PRAMEF17: variants seen among roughly 807,000 people sequenced by gnomAD.
PRAMEF17 encodes PRAME family member 17.
In PRAMEF17, 48 loss-of-function variants were observed where a neutral mutation model predicts 36.8. The observed-to-expected ratio is 1.30, with a 90% CI of 1.03 to 1.66. PRAMEF17 has a LOEUF of 1.66. Ranked by LOEUF, PRAMEF17 falls within the 40% of genes most tolerant of loss-of-function variation. The probability of loss-of-function intolerance (pLI) is 0.00; values close to 1 mark genes in which losing one functional copy is unlikely to be tolerated. For missense variants in PRAMEF17, 639 were observed against 560.6 expected (o/e 1.14, Z -1.41); for synonymous variants, 246 against 220.4 (o/e 1.12, Z -1.03).
Position 13,392,302 on chromosome 1 carries a change from C to T in PRAMEF17, c.1225C>T (p.Leu409=). The T allele has an allele frequency of 1.9e-6, 3 of 1,611,956 alleles. No individual in the cohort carries two copies. The highest frequency in any genetic ancestry group is 4.5e-5 in the East Asian group (2 of 44,870). The part of the protein sequence containing the change: ...CHTGGLSKLG[L]ELYPAPLECL... ...CACAGGTGGGCTGAGCAAGTTAGGT[C>T]TGGAGTTGTATCCTGCCCCTCTGGA... Residue 409 remains leucine (L), a synonymous_variant, in exon 3 of 3, where the codon CTG becomes TTG. Coordinates refer to ENST00000376098, the MANE Select transcript of PRAMEF17 (RefSeq NM_001099851.3).
rs1367949418 is a variant in PRAMEF17 at position 13,392,046 on chromosome 1, G to T, written c.969G>T (p.Lys323Asn). The T allele has an allele frequency of 3.7e-6, 6 of 1,611,742 alleles. No individual in the cohort carries two copies. The highest frequency in any genetic ancestry group is 5.1e-6 in the Non-Finnish European group (6 of 1,179,836). ...AGTACCCAAGCCTCAGTCAGCTAAA[G>T]GAGCTGCATCTGATTCATATCCTAA... is the stretch of plus-strand genomic sequence containing the variant. The part of the protein sequence containing the change: ...LSQYPSLSQL[K>N]ELHLIHILMW... The change falls in exon 3 of 3, where the codon AAG becomes AAT. Residue 323 changes from lysine (K) to asparagine (N), a missense_variant. Physicochemically the swap from Lys to Asn is moderately conservative, Grantham distance 94 (BLOSUM62 0). Transcript: ENST00000376098.
chr1:13,391,960 T>C lies in PRAMEF17; in HGVS notation c.883T>C (p.Leu295=). The change falls in exon 3 of 3, where the codon TTG becomes CTG. Residue 295 remains leucine, a synonymous_variant. Transcript: ENST00000376098. ...TCTCCCCAGGTGCCTCAAGAACCCC[T>C]TGGGAACCTTTATATTCTGTCATGC... The part of the protein sequence containing the change: ...EHLLRCLKNP[L]GTFIFCHAYL... 1 of 1,611,386 alleles carries C rather than the reference T, an allele frequency of 6.2e-7. No homozygotes were observed. Among genetic ancestry groups the C allele is most frequent in the South Asian group, 1.1e-5 (1 of 90,908 alleles).
Position 13,389,790 on chromosome 1 carries a change from A to G in PRAMEF17, c.133A>G (p.Ser45Gly), listed in dbSNP as rs1640855387. Residue 45 changes from serine (S) to glycine (G), a missense_variant, in exon 1 of 3, where the codon AGC becomes GGC. Transcript: ENST00000376098. ...CCCTCTGATGTTCATGGAGGCCTCC[A>G]GCATGAGACATTTTGAGGCCCTGAA... ...VFPLMFMEAS[S>G]MRHFEALKLM... The G allele has an allele frequency of 1.2e-5, 20 of 1,613,076 alleles. No individual in the cohort carries two copies. In the Admixed American group the frequency reaches 2.8e-4, roughly 23 times the overall value.
rs1318264866 is a variant in PRAMEF17, at chr1:13,389,850, C to T, written c.193C>T (p.Pro65Ser). 6.2e-7 allele frequency: 1 copy of T among 1,613,560 alleles called. No homozygotes were observed. The highest frequency in any genetic ancestry group is 8.5e-7 in the Non-Finnish European group (1 of 1,180,050). Residue 65 changes from proline (P) to serine (S), a missense_variant, in exon 1 of 3, where the codon CCT becomes TCT. By Grantham distance (74) the Pro-to-Ser change is moderately conservative (BLOSUM62 -1). Transcript: ENST00000376098. ...GCAGGCCTGGCCCTTCCTCCGCCTC[C>T]CTCTGGGATCCCTGATGAAGACACC... ...MVQAWPFLRL[P>S]LGSLMKTPHL...
rs1640867093 is a variant in PRAMEF17 at position 13,390,580 on chromosome 1, G to A, written c.527G>A (p.Gly176Asp). ...YLCRWIHYRR[G>D]LVHLCCNKVQ... ...TGCAGGTGGATCCACTACAGAAGAG[G>A]TCTAGTGCACCTGTGTTGTAATAAG... is the stretch of plus-strand genomic sequence containing the variant. Residue 176 changes from glycine (G) to aspartate (D), a missense_variant, in exon 2 of 3, where the codon GGT (glycine) becomes GAT (aspartate). Gly to Asp is a moderately conservative substitution (Grantham distance 94). Coordinates refer to ENST00000376098, the MANE Select transcript of PRAMEF17 (RefSeq NM_001099851.3). The A allele has an allele frequency of 1.2e-6, 2 of 1,611,986 alleles. No individual in the cohort carries two copies. The highest frequency in any genetic ancestry group is 8.5e-7 in the Non-Finnish European group (1 of 1,179,864).
At chr1:13,391,856 C>G in intron 2 of PRAMEF17, 88 bp from the exon 3 acceptor site, 1 of 1,552,150 alleles carries the variant, frequency 6.4e-7, no homozygotes, top group African/African-American at 1.3e-5. Context: ...TTACTCAATG[C>G]CCACTTCAAG....
In PRAMEF17 at chr1:13,390,715, CAGGAA is replaced by C. The variant is rs1219139293; in HGVS notation, c.665_669del (p.Gly222ValfsTer21). On this transcript the variant is annotated frameshift_variant, in exon 2 of 3. Transcript: ENST00000376098. LOFTEE classifies it high-confidence loss of function. ...AAGAGAAAGTGCTCTCTGAATAAAA[CAGGAA>C]AGTTTGCCCCTTACTTGAGCCAGAT... The C allele has an allele frequency of 1.9e-6, 3 of 1,611,882 alleles. No homozygotes were observed. The highest frequency in any genetic ancestry group is 2.5e-6 in the Non-Finnish European group (3 of 1,179,860).
chr1:13,390,706 T>G lies in PRAMEF17; in HGVS notation c.653T>G (p.Leu218Arg). 6.2e-7 allele frequency: 1 copy of G among 1,612,020 alleles called. No individual in the cohort carries two copies. ...TTGGAAATTAAGAGAAAGTGCTCTC[T>G]GAATAAAACAGGAAAGTTTGCCCCT... is the stretch of plus-strand genomic sequence containing the variant. ...QELEIKRKCSLNKTGKFAPYL... is the reference protein window; with the variant it reads ...QELEIKRKCSRNKTGKFAPYL... The change falls in exon 2 of 3, where the codon CTG becomes CGG. Residue 218 changes from leucine to arginine, a missense_variant. Physicochemically the swap from Leu to Arg is moderately radical, Grantham distance 102. Transcript: ENST00000376098.
chr1:13,392,158 A>T lies in PRAMEF17; in HGVS notation c.1081A>T (p.Ile361Phe). The T allele has an allele frequency of 1.2e-6, 2 of 1,611,972 alleles. No individual in the cohort carries two copies. The highest frequency in any genetic ancestry group is 1.7e-6 in the Non-Finnish European group (2 of 1,179,840). ...GATCCTCACGTTAAAGGACTGTCAG[A>T]TCCAGGACTCCCAGCTCAGGGTCCT... ...LEILTLKDCQ[I>F]QDSQLRVLLP... The change falls in exon 3 of 3, where the codon ATC becomes TTC. Residue 361 changes from isoleucine to phenylalanine, a missense_variant. Physicochemically the swap from Ile to Phe is conservative, Grantham distance 21. Coordinates refer to ENST00000376098, the MANE Select transcript of PRAMEF17 (RefSeq NM_001099851.3).
intron 2 of PRAMEF17, 25 bp downstream of exon 2, chr1:13,390,944 C>T: frequency 6.2e-7 from 1 of 1,611,830 alleles, no homozygotes; most frequent in Non-Finnish European, 8.5e-7. Flanking sequence ...TGAGCTTTCT[C>T]TGCAGACCAT....
rs1303947879 is a variant in PRAMEF17 at position 13,392,469 on chromosome 1, A to G, written c.1392A>G (p.Pro464=). ...CCTGCCCTTCCTGTGGCTCATGGCC[A>G]TCTGAGAAAGTGGACTTCCATCTTT... is the stretch of plus-strand genomic sequence containing the variant. ...PIPCPSCGSW[P]SEKVDFHLCS The change falls in exon 3 of 3, where the codon CCA becomes CCG. Residue 464 remains proline, a synonymous_variant. Coordinates refer to ENST00000376098, the MANE Select transcript of PRAMEF17 (RefSeq NM_001099851.3). The G allele has an allele frequency of 2.5e-6, 4 of 1,611,900 alleles. No individual in the cohort carries two copies. The highest frequency in any genetic ancestry group is 2.2e-5 in the East Asian group (1 of 44,892).
At chr1:13,391,056 C>G in intron 2 of PRAMEF17, 137 bp downstream of exon 2, 3 of 1,335,698 alleles carry the variant, frequency 2.2e-6, no homozygotes, top group South Asian at 2.6e-5. Flanking sequence ...AATGTCAACT[C>G]ATTATGCTGT....
Position 13,390,680 on chromosome 1 carries a change from G to T in PRAMEF17, c.627G>T (p.Glu209Asp). The T allele has an allele frequency of 6.2e-7, 1 of 1,612,002 alleles. No individual in the cohort carries two copies. Among genetic ancestry groups the T allele is most frequent in the Non-Finnish European group, 8.5e-7 (1 of 1,179,844 alleles). Residue 209 changes from glutamate to aspartate, a missense_variant, in exon 2 of 3, where the codon GAG (glutamate) becomes GAT (aspartate). Physicochemically the swap from Glu to Asp is conservative, Grantham distance 45. Coordinates refer to ENST00000376098, the MANE Select transcript of PRAMEF17 (RefSeq NM_001099851.3). ...GGGTATACCCAGACAGTATCCAGGA[G>T]TTGGAAATTAAGAGAAAGTGCTCTC... is the stretch of plus-strand genomic sequence containing the variant. ...LKRVYPDSIQ[E>D]LEIKRKCSLN...
At position 13,392,479 on chromosome 1, in the gene PRAMEF17, G is replaced by A. The variant is rs1640899597; in HGVS notation, c.1402G>A (p.Val468Met). ...CTGTGGCTCATGGCCATCTGAGAAA[G>A]TGGACTTCCATCTTTGCTCTTAGTG... ...PSCGSWPSEK[V>M]DFHLCS The change falls in exon 3 of 3, where the codon GTG becomes ATG. Residue 468 changes from valine (V) to methionine (M), a missense_variant. Coordinates refer to ENST00000376098, the MANE Select transcript of PRAMEF17 (RefSeq NM_001099851.3). The A allele has an allele frequency of 6.2e-7, 1 of 1,611,922 alleles. No individual in the cohort carries two copies. The highest frequency in any genetic ancestry group is 1.3e-5 in the African/African-American group (1 of 74,870).
At chr1:13,391,889 A>AC (rs1176717611) in intron 2 of PRAMEF17, 55 bp from the exon 3 acceptor site, 8 of 1,596,408 alleles carry the variant, frequency 5.0e-6, no homozygotes, top group East Asian at 4.5e-5. Flanking sequence ...ATGATTTCCC[A>AC]CCCCCCTCCT....
rs766631013 is a variant in PRAMEF17, at chr1:13,392,016, G to A, written c.939G>A (p.Leu313=). The change falls in exon 3 of 3, where the codon CTG becomes CTA. Residue 313 remains leucine (L), a synonymous_variant. Transcript: ENST00000376098. Reference sequence around the variant, plus strand: ...TAGCTGATCAGGACATGGAGTGTCTGTCTCAGTACCCAAGCCTCAGTCAGC... The same window carrying A: ...TAGCTGATCAGGACATGGAGTGTCTATCTCAGTACCCAAGCCTCAGTCAGC... The part of the protein sequence containing the change: ...AYLADQDMEC[L]SQYPSLSQLK... The A allele has an allele frequency of 1.1e-5, 17 of 1,611,816 alleles. 1 individual carries two copies. The South Asian group carries it at 1.9e-4, about 18-fold the overall frequency.
rs1208563304 is a variant in PRAMEF17, at chr1:13,390,926, A to T, written c.866+7A>T. On this transcript the variant is annotated splice_region_variant and intron_variant, in intron 2 of 2. Coordinates refer to ENST00000376098, the MANE Select transcript of PRAMEF17 (RefSeq NM_001099851.3). ...ACCTGGAGCACCTGCTCAGGTAAGA[A>T]AGGATGGTGAGCTTTCTCTGCAGAC... The T allele has an allele frequency of 4.3e-6, 7 of 1,611,972 alleles. No homozygotes were observed. The African/African-American group carries it at 8.0e-5, about 18-fold the overall frequency.
At chr1:13,391,724 T>C (rs2100408101) in intron 2 of PRAMEF17, among the ~76,000 whole-genome samples, 1 of 152,280 alleles carries the variant, frequency 6.6e-6, no homozygotes, top group African/African-American at 2.4e-5. Context: ...GATCTGGGTC[T>C]TCATCAGGCA....
rs1334927006 is a variant in PRAMEF17 at position 13,392,229 on chromosome 1, T to C, written c.1152T>C (p.Phe384=). 4 of 1,611,812 alleles carry C rather than the reference T, an allele frequency of 2.5e-6. No homozygotes were observed. Among genetic ancestry groups the C allele is most frequent in the African/African-American group, 1.3e-5 (1 of 74,818 alleles). The part of the protein sequence containing the change: ...SRCSQLTTFY[F]RGNETSTNAL... ...GCTCCCAGCTCACCACCTTCTACTT[T>C]CGCGGAAATGAGACCTCCACGAATG... The change falls in exon 3 of 3, where the codon TTT becomes TTC. Residue 384 remains phenylalanine (F), a synonymous_variant. Transcript: ENST00000376098.
Sources: gnomAD v4.1 joint callset for allele counts (sites outside exome capture counted in the v4.1 genomes callset) on GRCh38, gnomAD v4.1.1 for gene constraint, MANE v1.5 for transcripts, NCBI Gene and HGNC (gene_info 2026-07-23, HGNC 2026-07-21) for gene names.